Variants in BAZ2B observed in about 807,000 individuals in gnomAD.
BAZ2B encodes the protein bromodomain adjacent to zinc finger domain protein 2B.
In BAZ2B, 91 loss-of-function variants were observed where a neutral mutation model predicts 246.0. That is an observed-to-expected ratio of 0.37 (90% confidence interval 0.31 to 0.44). The LOEUF (loss-of-function observed/expected upper bound fraction) is 0.44, where lower values mean the gene tolerates loss of function less well. Among genes scored for constraint, BAZ2B ranks in the 20% least tolerant of loss-of-function variants. The pLI, the probability that BAZ2B is intolerant of heterozygous loss-of-function variation, is 1.00. For synonymous variants in BAZ2B, 855 were observed against 860.0 expected (o/e 0.99, Z 0.10); for missense variants, 2,332 against 2,533.7 (o/e 0.92, Z 1.71).
chr2:159,438,278 C>T, intron 8 of BAZ2B, 25 bp downstream of exon 8: 4 of 1,582,250 alleles, frequency 2.5e-6, no homozygotes, highest in Non-Finnish European at 3.4e-6. Flanking sequence ...TAGTAAAATT[C>T]TTGTATAAAT....
At chr2:159,495,200 T>C (rs2080939921) in intron 2 of BAZ2B, among the ~76,000 whole-genome samples, 1 of 152,112 alleles carries the variant, frequency 6.6e-6, no homozygotes. Flanking sequence ...ACATTTAATA[T>C]GAAGGCCGGG....
the BAZ2B span, among the ~76,000 whole-genome samples, chr2:159,674,479 T>C: frequency 2.0e-5 from 3 of 148,962 alleles, no homozygotes; most frequent in South Asian, 2.1e-4. Context: ...CTTTGGGAGG[T>C]TGAGGTGGGC....
chr2:159,425,958 C>CT (rs1318265098), intron 13 of BAZ2B, among the ~76,000 whole-genome samples: 1 of 152,098 alleles, frequency 6.6e-6, no homozygotes, highest in Non-Finnish European at 1.5e-5. Context: ...AACTAGAACA[C>CT]TTTTTTGGAT....
intron 2 of BAZ2B, among the ~76,000 whole-genome samples, chr2:159,531,321 A>C (rs574091770): frequency 6.6e-6 from 1 of 152,022 alleles, no homozygotes; most frequent in African/African-American, 2.4e-5. Flanking sequence ...TCTAAAAAAA[A>C]TTTTTTTCGA....
At chr2:159,417,382 G>T (rs2067930036) in intron 13 of BAZ2B, among the ~76,000 whole-genome samples, 1 of 152,090 alleles carries the variant, frequency 6.6e-6, no homozygotes, top group Non-Finnish European at 1.5e-5. Flanking sequence ...TGTTGGCCAG[G>T]CTGGTCTTGA....
At chr2:159,676,658 C>CACACACACACACACAT in the BAZ2B span, among the ~76,000 whole-genome samples, 1 of 151,168 alleles carries the variant, frequency 6.6e-6, no homozygotes, top group Admixed American at 6.6e-5. Flanking sequence ...CACACACACA[C>CACACACACACACACAT]ACACACACAC....
chr2:159,404,754 ATAGT>A, intron 16 of BAZ2B, 91 bp downstream of exon 16: 2 of 1,038,266 alleles, frequency 1.9e-6, no homozygotes, highest in East Asian at 5.3e-5. Flanking sequence ...AATGTGAAAT[ATAGT>A]TATTTAAGAA....
intron 1 of BAZ2B, among the ~76,000 whole-genome samples, chr2:159,596,497 T>C (rs1338326309): frequency 1.3e-5 from 2 of 152,128 alleles, no homozygotes; most frequent in African/African-American, 4.8e-5. Flanking sequence ...TACCAAACAT[T>C]TTATTTTTGT....
intron 1 of BAZ2B, among the ~76,000 whole-genome samples, chr2:159,596,724 C>T (rs1480584186): frequency 6.6e-6 from 1 of 152,196 alleles, no homozygotes; most frequent in Non-Finnish European, 1.5e-5. Context: ...CTGTGTCATT[C>T]TTATGCCTTT....
intron 2 of BAZ2B, among the ~76,000 whole-genome samples, chr2:159,503,098 CT>C (rs2082004804): frequency 6.6e-6 from 1 of 151,876 alleles, no homozygotes; most frequent in Admixed American, 6.6e-5. Context: ...AAGAGTAATC[CT>C]GTTTTTTTTA....
At chr2:159,364,856 G>A (rs879851553) in intron 27 of BAZ2B, among the ~76,000 whole-genome samples, 1 of 152,156 alleles carries the variant, frequency 6.6e-6, no homozygotes, top group South Asian at 2.1e-4. Flanking sequence ...TCTTATACAA[G>A]AACAGACTCA....
intron 4 of BAZ2B, among the ~76,000 whole-genome samples, chr2:159,449,706 A>G (rs2074778028): frequency 6.6e-6 from 1 of 152,234 alleles, no homozygotes; most frequent in Non-Finnish European, 1.5e-5. Context: ...GAACAATGGG[A>G]ACTGAACCAA....
chr2:159,347,474 A>G lies in BAZ2B; in HGVS notation c.5454+12T>C, dbSNP rs775724978. The G allele has an allele frequency of 6.2e-7, 1 of 1,611,058 alleles. No homozygotes were observed. The highest frequency in any genetic ancestry group is 8.5e-7 in the Non-Finnish European group (1 of 1,177,510). ...TATCCTAAAAACATATTTTATTCCA[A>G]GTCGATTTTACCTTCACTTGCAAAC... On this transcript the variant is annotated intron_variant, in intron 31 of 36. Coordinates refer to ENST00000392783, the MANE Select transcript of BAZ2B (RefSeq NM_013450.4).
chr2:159,453,592 CTGTT>C lies in BAZ2B; in HGVS notation c.334+17_334+20del. The C allele has an allele frequency of 1.9e-6, 3 of 1,558,256 alleles. No individual in the cohort carries two copies. The highest frequency in any genetic ancestry group is 1.2e-5 in the South Asian group (1 of 81,040). Reference sequence around the variant, plus strand: ...CAAGCTTTCCTCCTTCCCTTGAACACTGTTTGTAACAGATGTTTACCTGGAAAAG... The same window carrying C: ...CAAGCTTTCCTCCTTCCCTTGAACACTGTAACAGATGTTTACCTGGAAAAG... On this transcript the variant is annotated intron_variant, in intron 4 of 36. Coordinates refer to ENST00000392783, the MANE Select transcript of BAZ2B (RefSeq NM_013450.4).
intron 2 of BAZ2B, among the ~76,000 whole-genome samples, chr2:159,552,704 C>T (rs1314329534): frequency 6.6e-6 from 1 of 152,110 alleles, no homozygotes; most frequent in Non-Finnish European, 1.5e-5. Flanking sequence ...TATAAGAACA[C>T]TAAAGATACT....
chr2:159,427,269 A>G (rs2070113449), intron 13 of BAZ2B, among the ~76,000 whole-genome samples: 1 of 152,146 alleles, frequency 6.6e-6, no homozygotes, highest in African/African-American at 2.4e-5. Flanking sequence ...ACAAAGGGAA[A>G]GCATTAAAGA....
the BAZ2B span, among the ~76,000 whole-genome samples, chr2:159,695,953 G>A: frequency 1.3e-5 from 2 of 151,932 alleles, no homozygotes; most frequent in Non-Finnish European, 2.9e-5. Context: ...TAGAGACAGG[G>A]TTTCATCATG....
At chr2:159,582,196 T>A (rs1296688452) in intron 1 of BAZ2B, among the ~76,000 whole-genome samples, 2 of 152,220 alleles carry the variant, frequency 1.3e-5, no homozygotes, top group African/African-American at 4.8e-5. Context: ...AATTAGATTT[T>A]AAAAAATAAG....
intron 1 of BAZ2B, among the ~76,000 whole-genome samples, chr2:159,565,425 G>C (rs1357141111): frequency 1.3e-5 from 2 of 152,090 alleles, no homozygotes; most frequent in African/African-American, 4.8e-5. Context: ...ACATGATCTA[G>C]AGAGAGAAAA....
Sources: allele counts gnomAD v4.1 joint callset (sites outside exome capture counted in the v4.1 genomes callset), GRCh38; gene constraint gnomAD v4.1.1; transcripts MANE v1.5; gene names NCBI Gene and HGNC (gene_info 2026-07-23, HGNC 2026-07-21).